Variants in MPST observed in about 807,000 individuals in gnomAD.
MPST encodes the protein 3-mercaptopyruvate sulfurtransferase.
MPST carries 27 observed loss-of-function variants against 28.5 expected under a neutral mutation model. That is an observed-to-expected ratio of 0.95 (90% CI 0.70 to 1.31). The LOEUF (loss-of-function observed/expected upper bound fraction) is 1.31, where lower values mean the gene tolerates loss of function less well. Among genes scored for constraint, MPST ranks in the 50% most tolerant of loss-of-function variants. MPST has a pLI of 0.00. For synonymous variants in MPST, 204 were observed against 209.3 expected (o/e 0.97, Z 0.22); for missense variants, 492 against 471.1 (o/e 1.04, Z -0.41).
chr22:37,021,181 T>C (rs1000606089), intron 1 of MPST, among the ~76,000 whole-genome samples: 1 of 152,022 alleles, frequency 6.6e-6, no homozygotes, highest in Non-Finnish European at 1.5e-5. Flanking sequence ...CCTGGGGCGG[T>C]TACGTCCTGG....
chr22:37,024,133 C>A, intron 1 of MPST, 59 bp from the exon 2 acceptor site: 1 of 1,352,728 alleles, frequency 7.4e-7, no homozygotes, highest in Non-Finnish European at 9.5e-7. Context: ...CCAGCCCCAG[C>A]CCTAGCCCCA....
chr22:37,026,252 T>C (rs1260686868), intron 2 of MPST: 1 of 152,182 alleles, frequency 6.6e-6, no homozygotes, highest in Non-Finnish European at 1.5e-5. Flanking sequence ...GGTCATCTAA[T>C]GTCTCTGAAC....
intron 2 of MPST, chr22:37,025,959 G>A (rs552702007): frequency 6.6e-6 from 1 of 152,244 alleles, no homozygotes; most frequent in Non-Finnish European, 1.5e-5. Context: ...CAGAGTCGAT[G>A]TTCCAGAGAG....
intron 2 of MPST, chr22:37,028,200 A>G (rs1923652793): frequency 6.6e-6 from 1 of 152,102 alleles, no homozygotes. Context: ...CAGGAATTCA[A>G]GACCATCCTG....
chr22:37,020,028 T>G, intron 1 of MPST, 156 bp downstream of exon 1: 6 of 373,100 alleles, frequency 1.6e-5, no homozygotes, highest in Middle Eastern at 3.9e-4. Context: ...AGGGTGACTG[T>G]CCGCTTGGGG....
intron 1 of MPST, among the ~76,000 whole-genome samples, chr22:37,021,893 A>T (rs1247197182): frequency 6.6e-6 from 1 of 151,992 alleles, no homozygotes; most frequent in Admixed American, 6.6e-5. Context: ...TAAGGAACAG[A>T]AACCACCCAG....
intron 1 of MPST, chr22:37,023,181 T>G (rs1923199213): frequency 6.6e-6 from 1 of 152,282 alleles, no homozygotes; most frequent in Admixed American, 6.5e-5. Flanking sequence ...AGTGTGTGTC[T>G]GAGAAGTCCG....
At position 37,024,683 on chromosome 22, in the gene MPST, T is replaced by G; in HGVS notation, c.528T>G (p.Ala176=). 1 of 1,599,396 alleles carries G rather than the reference T, an allele frequency of 6.3e-7. No homozygotes were observed. The highest frequency in any genetic ancestry group is 8.5e-7 in the Non-Finnish European group (1 of 1,179,728). ...KSQPAPAEFR[A]QLDPAFIKTY... is the part of the protein sequence containing the mutation. ...AACCTGCTCCCGCCGAGTTCCGCGC[T>G]CAGCTCGACCCCGCCTTCATCAAGA... Residue 176 remains alanine, a synonymous_variant, in exon 2 of 3, where the codon GCT becomes GCG. Transcript: ENST00000429360.
At chr22:37,022,835 G>A (rs1448210953) in intron 1 of MPST, among the ~76,000 whole-genome samples, 1 of 152,220 alleles carries the variant, frequency 6.6e-6, no homozygotes, top group African/African-American at 2.4e-5. Flanking sequence ...GGATAAGTGA[G>A]GGCTGATCTG....
At position 37,024,702 on chromosome 22, in the gene MPST, A is replaced by T; in HGVS notation, c.547A>T (p.Ile183Phe). Residue 183 changes from isoleucine to phenylalanine, a missense_variant, in exon 2 of 3, where the codon ATC becomes TTC. Physicochemically the swap from Ile to Phe is conservative, Grantham distance 21. Coordinates refer to ENST00000429360, the MANE Select transcript of MPST (RefSeq NM_021126.8). ...EFRAQLDPAF[I>F]KTYEDIKENL... is the part of the protein sequence containing the mutation. Reference sequence around the variant, plus strand: ...CCGCGCTCAGCTCGACCCCGCCTTCATCAAGACCTACGAGGACATCAAGGA... The same window carrying T: ...CCGCGCTCAGCTCGACCCCGCCTTCTTCAAGACCTACGAGGACATCAAGGA... The T allele has an allele frequency of 1.9e-6, 3 of 1,599,804 alleles. No homozygotes were observed. Among genetic ancestry groups the T allele is most frequent in the East Asian group, 2.2e-5 (1 of 44,840 alleles).
At chr22:37,021,437 C>T (rs1186362883) in intron 1 of MPST, among the ~76,000 whole-genome samples, 2 of 152,114 alleles carry the variant, frequency 1.3e-5, no homozygotes, top group East Asian at 3.9e-4. Flanking sequence ...TCCAGGGCCA[C>T]CAATGAGAGT....
chr22:37,025,490 A>G, intron 2 of MPST: 1 of 202,830 alleles, frequency 4.9e-6, no homozygotes, highest in Non-Finnish European at 1.0e-5. Flanking sequence ...TGGGTAGGGC[A>G]GAGCCTTCTG....
intron 2 of MPST, 70 bp downstream of exon 2, chr22:37,024,880 T>A: frequency 6.4e-7 from 1 of 1,558,586 alleles, no homozygotes; most frequent in Non-Finnish European, 8.7e-7. Context: ...TGCCCTGGAC[T>A]TGACCTTTCT....
chr22:37,029,716 G>A lies in MPST; in HGVS notation c.*202G>A. 1 of 632,974 alleles carries A rather than the reference G, an allele frequency of 1.6e-6. No homozygotes were observed. The highest frequency in any genetic ancestry group is 2.7e-6 in the Non-Finnish European group (1 of 368,748). The allele number at this position is 632,974 out of a possible 1,614,324, so 39.2% of individuals were successfully genotyped here. ...AGGAAAGGCGGAGGCGAGCCCTGGA[G>A]GAGGGAGGCCACAACTCCGAGCTGC... On this transcript the variant is annotated 3_prime_UTR_variant, in exon 3 of 3. Coordinates refer to ENST00000429360, the MANE Select transcript of MPST (RefSeq NM_021126.8).
chr22:37,025,269 A>T, intron 2 of MPST: 1 of 762,826 alleles, frequency 1.3e-6, no homozygotes, highest in Non-Finnish European at 1.8e-6. Context: ...AACAGCTCTC[A>T]ATCCAACACT....
intron 2 of MPST, chr22:37,026,664 T>C (rs929280184): frequency 6.6e-6 from 1 of 152,224 alleles, no homozygotes; most frequent in African/African-American, 2.4e-5. Flanking sequence ...GTTGAGAGTT[T>C]GTTCCTCCTC....
chr22:37,026,132 G>C (rs1393527750), intron 2 of MPST: 1 of 152,178 alleles, frequency 6.6e-6, no homozygotes, highest in Non-Finnish European at 1.5e-5. Flanking sequence ...ATCCTGTTGG[G>C]TTCTCCATCT....
chr22:37,027,731 C>G (rs948344114), intron 2 of MPST: 1 of 152,424 alleles, frequency 6.6e-6, no homozygotes. Context: ...TGACAATGAC[C>G]TTTAACCCCT....
chr22:37,026,823 C>T (rs1296770896), intron 2 of MPST: 1 of 152,464 alleles, frequency 6.6e-6, no homozygotes, highest in East Asian at 1.9e-4. Flanking sequence ...ATACATGGGT[C>T]AGCAGCTCCT....
Sources: allele counts gnomAD v4.1 joint callset (sites outside exome capture counted in the v4.1 genomes callset), GRCh38; gene constraint gnomAD v4.1.1; transcripts MANE v1.5; gene names NCBI Gene and HGNC (gene_info 2026-07-23, HGNC 2026-07-21).